The following RTN4 variants were observed in gnomAD, a reference collection of about 807,000 sequenced individuals.
The protein encoded by RTN4 is reticulon-4.
A neutral mutation model predicts 90.4 loss-of-function variants in RTN4; 32 were observed. The ratio of observed to expected loss-of-function variants is 0.35; its 90% CI spans 0.27 to 0.48. The LOEUF is 0.48. Among genes scored for constraint, RTN4 ranks in the 20% least tolerant of loss-of-function variants. The probability of loss-of-function intolerance (pLI) is 0.99; values close to 1 mark genes in which losing one functional copy is unlikely to be tolerated. For missense variants in RTN4, 1,706 were observed against 1,430.2 expected (o/e 1.19, Z -3.11); for synonymous variants, 629 against 552.5 (o/e 1.14, Z -1.94).
At chr2:55,034,922 C>T (rs1682572505) in intron 1 of RTN4, among the ~76,000 whole-genome samples, 1 of 152,068 alleles carries the variant, frequency 6.6e-6, no homozygotes, top group African/African-American at 2.4e-5. Flanking sequence ...GTATAATATT[C>T]TTGCTATTTT....
intron 3 of RTN4, among the ~76,000 whole-genome samples, chr2:55,020,904 G>A (rs1231427928): frequency 6.6e-6 from 1 of 152,090 alleles, no homozygotes; most frequent in Non-Finnish European, 1.5e-5. Flanking sequence ...TTGGGAGGCT[G>A]AGGACCACCT....
chr2:55,131,056 T>C, the RTN4 span, among the ~76,000 whole-genome samples: 1 of 152,214 alleles, frequency 6.6e-6, no homozygotes, highest in Non-Finnish European at 1.5e-5. Flanking sequence ...TGTATGATGA[T>C]ACTTTTAACA....
intron 2 of RTN4, among the ~76,000 whole-genome samples, chr2:55,066,183 G>A (rs1668386935): frequency 8.4e-6 from 1 of 119,254 alleles, no homozygotes; most frequent in South Asian, 2.8e-4. Context: ...GTGTGTGTGT[G>A]TGTGTGTGTT....
intron 1 of RTN4, among the ~76,000 whole-genome samples, chr2:55,102,928 G>A (rs1667878503): frequency 6.6e-6 from 1 of 151,906 alleles, no homozygotes. Context: ...AGACCAGCCT[G>A]ACCAATGTGG....
intron 8 of RTN4, 35 bp from the exon 9 acceptor site, chr2:54,973,233 T>C (rs757754223): frequency 2.9e-5 from 44 of 1,535,440 alleles, no homozygotes; most frequent in South Asian, 7.9e-5. Context: ...ATATCAGTTT[T>C]GTTTGCTGCT....
chr2:55,102,770 G>A (rs368006855), intron 1 of RTN4, among the ~76,000 whole-genome samples: 1 of 152,092 alleles, frequency 6.6e-6, no homozygotes, highest in Non-Finnish European at 1.5e-5. Context: ...CAATTTGTAA[G>A]ACAAAACTCT....
At chr2:55,014,652 G>A (rs1244989972) in intron 3 of RTN4, 1 of 152,210 alleles carries the variant, frequency 6.6e-6, no homozygotes, top group East Asian at 1.9e-4. Context: ...AAGTGGCTGG[G>A]ACTACAGGTG....
intron 1 of RTN4, among the ~76,000 whole-genome samples, chr2:55,104,911 A>G (rs1667916939): frequency 6.6e-6 from 1 of 150,786 alleles, no homozygotes; most frequent in Non-Finnish European, 1.5e-5. Context: ...GGCTCAAGCG[A>G]TCTCCCCACC....
intron 3 of RTN4, among the ~76,000 whole-genome samples, chr2:55,017,338 T>G (rs1392191814): frequency 6.6e-6 from 1 of 152,222 alleles, no homozygotes; most frequent in African/African-American, 2.4e-5. Flanking sequence ...CATGAACATA[T>G]GTAAGTTCTT....
the RTN4 span, among the ~76,000 whole-genome samples, chr2:55,120,960 C>A: frequency 6.6e-6 from 1 of 152,186 alleles, no homozygotes; most frequent in Non-Finnish European, 1.5e-5. Context: ...AATAAGGAAA[C>A]CCTGGTGGCC....
intron 3 of RTN4, among the ~76,000 whole-genome samples, chr2:55,008,142 A>AAC (rs200633765): frequency 0.24 from 35,345 of 144,942 alleles, 4,312 homozygotes; most frequent in Middle Eastern, 0.26. Flanking sequence ...TCGGCAAGCA[A>AAC]ACACACACAC....
At chr2:54,974,884 G>T in intron 5 of RTN4, 120 bp from the exon 6 acceptor site, 1 of 743,724 alleles carries the variant, frequency 1.3e-6, no homozygotes, top group Non-Finnish European at 2.3e-6. Flanking sequence ...TGAAGACTGG[G>T]TAAAGTACCA....
At chr2:55,059,758 C>T (rs1668256474) in intron 2 of RTN4, among the ~76,000 whole-genome samples, 1 of 151,904 alleles carries the variant, frequency 6.6e-6, no homozygotes, top group South Asian at 2.1e-4. Flanking sequence ...CGCTTGAACC[C>T]AGGAGGTGGA....
intron 1 of RTN4, among the ~76,000 whole-genome samples, chr2:55,029,733 G>A (rs189730820): frequency 1.4e-3 from 209 of 152,248 alleles, no homozygotes; most frequent in Non-Finnish European, 2.3e-3. Flanking sequence ...GTGATGACGG[G>A]AAATTTATGA....
At chr2:54,984,545 C>T (rs770045915) in intron 4 of RTN4, among the ~76,000 whole-genome samples, 8 of 152,144 alleles carry the variant, frequency 5.3e-5, no homozygotes, top group Non-Finnish European at 1.2e-4. Context: ...TTGCTGAAGA[C>T]AAGATGCCTA....
At position 55,065,510 on chromosome 2, in the gene RTN4, T is replaced by C. The variant is rs943811106; in HGVS notation, c.-63+14979A>G. Among the ~76,000 whole-genome samples the C allele has an allele frequency of 5.9e-5, 9 of 151,434 alleles. No homozygotes were observed. The East Asian group carries it at 9.6e-4, about 16-fold the overall frequency. On this transcript the variant is annotated intron_variant, in intron 2 of 3. Coordinates refer to the RTN4 transcript ENST00000427710. ...GCTTTATTATAATATCTAAAACTTA[T>C]AAAATAAAAAAAAAATTTTTCATCA...
chr2:55,117,065 G>A (rs1233918711), upstream of RTN4, among the ~76,000 whole-genome samples: 2 of 151,778 alleles, frequency 1.3e-5, no homozygotes, highest in Non-Finnish European at 2.9e-5. Context: ...GCAGAGATGG[G>A]GTTTCATCAT....
Position 54,973,058 on chromosome 2 carries a change from AC to A in RTN4, c.*97del. ...ATCTAACAACGATCTGTGAAACTGC[AC>A]TGCAACGTCAAGGTTCGTTCTTCCC... is the stretch of plus-strand genomic sequence containing the variant. On this transcript the variant is annotated 3_prime_UTR_variant, in exon 9 of 9. Transcript: ENST00000337526. 1 of 932,968 alleles carries A rather than the reference AC, an allele frequency of 1.1e-6. No individual in the cohort carries two copies. Among genetic ancestry groups the A allele is most frequent in the Non-Finnish European group, 1.7e-6 (1 of 593,312 alleles). The allele number at this position is 932,968 out of a possible 1,614,324, so 57.8% of individuals were successfully genotyped here.
chr2:55,089,731 C>A (rs1193562197), intron 1 of RTN4, among the ~76,000 whole-genome samples: 3 of 152,216 alleles, frequency 2.0e-5, no homozygotes, highest in Admixed American at 6.5e-5. Flanking sequence ...CAAAGCAAGG[C>A]CATTCTACAA....
Sources: allele counts gnomAD v4.1 joint callset (sites outside exome capture counted in the v4.1 genomes callset), GRCh38; gene constraint gnomAD v4.1.1; transcripts MANE v1.5; gene names NCBI Gene and HGNC (gene_info 2026-07-23, HGNC 2026-07-21).